DGKD: variants seen among roughly 807,000 people sequenced by gnomAD.
The protein encoded by DGKD is DAG kinase delta.
In DGKD, 68 loss-of-function variants were observed where a neutral mutation model predicts 154.4. The observed-to-expected ratio is 0.44, with a 90% CI of 0.36 to 0.54. The LOEUF is 0.54. DGKD is among the 20% of genes least tolerant of loss of function. The pLI, the probability that DGKD is intolerant of heterozygous loss-of-function variation, is 0.00. For missense variants in DGKD, 1,343 were observed against 1,593.6 expected (o/e 0.84, Z 2.68); for synonymous variants, 693 against 638.0 (o/e 1.09, Z -1.30).
intron 19 of DGKD, among the ~76,000 whole-genome samples, chr2:233,456,490 G>C (rs1034843383): frequency 5.3e-5 from 8 of 152,204 alleles, no homozygotes; most frequent in African/African-American, 1.7e-4. Context: ...GTGCCTACAG[G>C]TGCTGGATTA....
At position 233,449,963 on chromosome 2, in the gene DGKD, A is replaced by C. The variant is rs1208436388; in HGVS notation, c.1889-19A>C. On this transcript the variant is annotated intron_variant, in intron 15 of 29. Coordinates refer to ENST00000264057, the MANE Select transcript of DGKD (RefSeq NM_152879.3). The surrounding 1 kb of genome is among the most constrained non-coding windows in gnomAD (Gnocchi z 5.3). ...GCTTTGCACCCGCGTGCTCAGCCGC[A>C]CACACTCTCCTTGCACAGCTGTCGA... 2 of 1,573,708 alleles carry C rather than the reference A, an allele frequency of 1.3e-6. No homozygotes were observed. Among genetic ancestry groups the C allele is most frequent in the African/African-American group, 2.7e-5 (2 of 73,810 alleles).
rs1701455413 is a variant in DGKD, at chr2:233,354,703, C to T, written c.156+29C>T. 3 of 980,238 alleles carry T rather than the reference C, an allele frequency of 3.1e-6. No individual in the cohort carries two copies. The highest frequency in any genetic ancestry group is 3.6e-6 in the Non-Finnish European group (3 of 827,478). The allele number at this position is 980,238 out of a possible 1,614,324, so 60.7% of individuals were successfully genotyped here. A position where few individuals can be genotyped will look rare whatever the true frequency, so the allele number is the denominator to read the frequency against. On this transcript the variant is annotated intron_variant, in intron 1 of 29. Transcript: ENST00000264057. This position sits in a 1 kb window ranked among gnomAD's most constrained non-coding sequence, Gnocchi z 4.8. Reference sequence around the variant, plus strand: ...AGCCCGCGGCGCGGCGGCCCGGGCGCGCGCCCCTCACGCCGCGGCAGCCCC... The same window carrying T: ...AGCCCGCGGCGCGGCGGCCCGGGCGTGCGCCCCTCACGCCGCGGCAGCCCC...
At chr2:233,380,777 G>A (rs1017359873) in intron 1 of DGKD, among the ~76,000 whole-genome samples, 4 of 152,150 alleles carry the variant, frequency 2.6e-5, no homozygotes, top group African/African-American at 7.2e-5. Context: ...GGGCAGACCT[G>A]GAGCCGCTCT....
In DGKD at chr2:233,445,788, G is replaced by A. The variant is rs201416623; in HGVS notation, c.1334+26G>A. Reference sequence around the variant, plus strand: ...GTGAGTGGGGATGTGCTCCGGTGCCGTATGAGGAGACTTTGAGAGACAGGT... The same window carrying A: ...GTGAGTGGGGATGTGCTCCGGTGCCATATGAGGAGACTTTGAGAGACAGGT... On this transcript the variant is annotated intron_variant, in intron 11 of 29. Coordinates refer to ENST00000264057, the MANE Select transcript of DGKD (RefSeq NM_152879.3). The surrounding 1 kb of genome is among the most constrained non-coding windows in gnomAD (Gnocchi z 5.5). The A allele has an allele frequency of 2.7e-5, 43 of 1,578,872 alleles. No homozygotes were observed. Among genetic ancestry groups the A allele is most frequent in the South Asian group, 1.5e-4 (13 of 86,614 alleles).
rs571968761 is a variant in DGKD, at chr2:233,464,247, G to A, written c.3270G>A (p.Pro1090=). ...DRQLRRLADT[P]WLCQSAEPGD... Reference sequence around the variant, plus strand: ...AGCTCAGGAGGCTGGCAGACACCCCGTGGCTCTGCCAGTCCGCAGAGCCCG... The same window carrying A: ...AGCTCAGGAGGCTGGCAGACACCCCATGGCTCTGCCAGTCCGCAGAGCCCG... Residue 1090 remains proline (P), a synonymous_variant, in exon 27 of 30, where the codon CCG becomes CCA. Coordinates refer to ENST00000264057, the MANE Select transcript of DGKD (RefSeq NM_152879.3). 4.0e-5 allele frequency: 65 copies of A among 1,613,468 alleles called. No individual in the cohort carries two copies. The highest frequency in any genetic ancestry group is 5.0e-5 in the Non-Finnish European group (59 of 1,180,038).
At chr2:233,436,568 G>C in intron 7 of DGKD, 127 bp downstream of exon 7, 11 of 1,371,936 alleles carry the variant, frequency 8.0e-6, no homozygotes, top group Non-Finnish European at 1.1e-5. Flanking sequence ...CTCCGGCTGA[G>C]AGTGGGTTTT....
At chr2:233,447,539 G>C in intron 12 of DGKD, 18 of 985,188 alleles carry the variant, frequency 1.8e-5, no homozygotes, top group Non-Finnish European at 2.2e-5. Context: ...TTTTTTTTGA[G>C]AGGAAGAGTG....
At chr2:233,469,242 T>G (rs2063925647) in intron 29 of DGKD, 129 bp from the exon 30 acceptor site, 4 of 741,746 alleles carry the variant, frequency 5.4e-6, no homozygotes, top group Non-Finnish European at 9.2e-6. Flanking sequence ...TGTTTTACCG[T>G]TTTTGTCATT....
intron 9 of DGKD, among the ~76,000 whole-genome samples, chr2:233,439,633 C>T (rs1472760382): frequency 2.0e-5 from 3 of 152,216 alleles, no homozygotes; most frequent in African/African-American, 7.2e-5. Flanking sequence ...GCAATCCTGG[C>T]TCACAGCAGC....
Position 233,457,373 on chromosome 2 carries a change from G to A in DGKD, c.2580+45G>A. On this transcript the variant is annotated intron_variant, in intron 21 of 29. Coordinates refer to ENST00000264057, the MANE Select transcript of DGKD (RefSeq NM_152879.3). This position sits in a 1 kb window ranked among gnomAD's most constrained non-coding sequence, Gnocchi z 5.5. ...GGGTGGGCCTGAGCTCAGTGGGGAA[G>A]AGCTGTCTGAGAGCAGGGGGGTGTT... 1 of 1,387,540 alleles carries A rather than the reference G, an allele frequency of 7.2e-7. No individual in the cohort carries two copies. The highest frequency in any genetic ancestry group is 1.0e-6 in the Non-Finnish European group (1 of 978,926). The allele number at this position is 1,387,540 out of a possible 1,614,324, so 86.0% of individuals were successfully genotyped here. A position where few individuals can be genotyped will look rare whatever the true frequency, so the allele number is the denominator to read the frequency against.
chr2:233,423,877 T>C (rs2062203144), intron 3 of DGKD, among the ~76,000 whole-genome samples: 1 of 152,082 alleles, frequency 6.6e-6, no homozygotes, highest in South Asian at 2.1e-4. Context: ...GTATACCAGG[T>C]AAAAAGAAAA....
chr2:233,434,419 A>G lies in DGKD; in HGVS notation c.388A>G (p.Asn130Asp), dbSNP rs527390856. ...CAGGAAGCTCATCTTGTGTGCTGAT[A>G]ACAGAAAAGAAATGGAAGATTGGAT... Reference protein sequence around the residue: ...PCRKLILCADNRKEMEDWIAA... With the variant: ...PCRKLILCADDRKEMEDWIAA... The change falls in exon 4 of 30, where the codon AAC (asparagine) becomes GAC (aspartate). Residue 130 changes from asparagine (N) to aspartate (D), a missense_variant. Around this residue, in one of 6 missense-constraint regions of DGKD, gnomAD observed 332 missense variants for 400.1 expected, o/e 0.83. Coordinates refer to ENST00000264057, the MANE Select transcript of DGKD (RefSeq NM_152879.3). 3 of 1,614,210 alleles carry G rather than the reference A, an allele frequency of 1.9e-6. No individual in the cohort carries two copies. Among genetic ancestry groups the G allele is most frequent in the Admixed American group, 1.7e-5 (1 of 60,020 alleles).
chr2:233,364,435 T>C (rs1311547618), intron 1 of DGKD, among the ~76,000 whole-genome samples: 1 of 152,222 alleles, frequency 6.6e-6, no homozygotes, highest in Non-Finnish European at 1.5e-5. Flanking sequence ...CTATAAAAAT[T>C]ATGCCTTTGG....
At chr2:233,435,394 T>G (rs959703318) in intron 5 of DGKD, among the ~76,000 whole-genome samples, 1 of 152,216 alleles carries the variant, frequency 6.6e-6, no homozygotes, top group Admixed American at 6.5e-5. Context: ...GCTCCCACGC[T>G]TCAGACTGGC....
At chr2:233,418,280 G>T (rs2062012116) in intron 3 of DGKD, among the ~76,000 whole-genome samples, 1 of 152,130 alleles carries the variant, frequency 6.6e-6, no homozygotes, top group South Asian at 2.1e-4. Flanking sequence ...GGTTGACTAT[G>T]GCCAGCCCAT....
chr2:233,469,684 A>G lies in DGKD; in HGVS notation c.*224A>G, dbSNP rs748467614. 1.8e-6 allele frequency: 1 copy of G among 553,918 alleles called. No homozygotes were observed. The highest frequency in any genetic ancestry group is 3.2e-6 in the Non-Finnish European group (1 of 309,328). The allele number at this position is 553,918 out of a possible 1,614,324, so 34.3% of individuals were successfully genotyped here. A position where few individuals can be genotyped will look rare whatever the true frequency, so the allele number is the denominator to read the frequency against. ...AACATAACAACACAGCTACCTTTGAAACAACACTTTCTCCAGCTCAGAGTC... is the reference window on the plus strand; with the variant it reads ...AACATAACAACACAGCTACCTTTGAGACAACACTTTCTCCAGCTCAGAGTC... On this transcript the variant is annotated 3_prime_UTR_variant, in exon 30 of 30. Transcript: ENST00000264057.
intron 1 of DGKD, among the ~76,000 whole-genome samples, chr2:233,368,484 G>A (rs1473291093): frequency 6.6e-6 from 1 of 152,048 alleles, no homozygotes; most frequent in Non-Finnish European, 1.5e-5. Context: ...TGCACTCCAG[G>A]CTGGGCGACA....
At chr2:233,399,298 T>G (rs1308242487) in intron 3 of DGKD, among the ~76,000 whole-genome samples, 2 of 152,208 alleles carry the variant, frequency 1.3e-5, no homozygotes, top group Non-Finnish European at 2.9e-5. Context: ...CATAACTCTT[T>G]GTTGAAGAGT....
At chr2:233,386,136 G>T in intron 1 of DGKD, 2 of 313,894 alleles carry the variant, frequency 6.4e-6, no homozygotes, top group Admixed American at 4.1e-5. Context: ...TAACTTTTCT[G>T]GGTTTTGGGT....
Sources: gnomAD v4.1 joint callset for allele counts (sites outside exome capture counted in the v4.1 genomes callset) on GRCh38, gnomAD v4.1.1 for gene constraint, gnomAD v4.1.1 regional missense constraint, Gnocchi (gnomAD v3.1) non-coding constraint, MANE v1.5 for transcripts, NCBI Gene and HGNC (gene_info 2026-07-23, HGNC 2026-07-21) for gene names.